MAP2: variants seen among roughly 807,000 people sequenced by gnomAD.
MAP2 encodes the protein microtubule associated protein 2.
In MAP2, 14 loss-of-function variants were observed where a neutral mutation model predicts 137.6. The ratio of observed to expected loss-of-function variants is 0.10; its 90% confidence interval spans 0.07 to 0.16. The LOEUF (loss-of-function observed/expected upper bound fraction) is 0.16. Among genes scored for constraint, MAP2 ranks in the 10% least tolerant of loss-of-function variants. The pLI, the probability that MAP2 is intolerant of heterozygous loss-of-function variation, is 1.00. For synonymous variants in MAP2, 786 were observed against 782.3 expected, an observed-to-expected ratio of 1.00 and a Z score of -0.08; for missense variants, 2,088 against 2,191.5, an observed-to-expected ratio of 0.95 and a Z score of 0.94.
intron 5 of MAP2, among the ~76,000 whole-genome samples, chr2:209,660,637 C>T (rs1582639344): frequency 1.3e-5 from 2 of 148,598 alleles, no homozygotes; most frequent in Admixed American, 1.3e-4. Context: ...CCTCGTGATC[C>T]GCCTGCCTCT....
intron 2 of MAP2, among the ~76,000 whole-genome samples, chr2:209,550,142 C>T (rs904702687): frequency 2.0e-5 from 3 of 152,120 alleles, no homozygotes; most frequent in Admixed American, 2.0e-4. Context: ...TTGCATTTTA[C>T]ATTAGAAACA....
rs201766903 is a variant in MAP2, at chr2:209,540,160, CTG to C, written c.-172+32521_-172+32522del. The stretch of plus-strand genomic sequence containing the variant: ...TACAATAGTGGATTTGGCCCAGAAT[CTG>C]TTATTGTGAGCTTGAATTTAGATAA... On this transcript the variant is annotated intron_variant, in intron 2 of 15. Coordinates refer to ENST00000682079, the MANE Select transcript of MAP2 (RefSeq NM_001375505.1). Among the ~76,000 whole-genome samples the C allele has an allele frequency of 8.7e-3, 1,247 of 142,604 alleles. 18 individuals are homozygous for C. Among genetic ancestry groups the C allele is most frequent in the African/African-American group, 0.03 (1,164 of 38,806 alleles). 93.6% of individuals were successfully genotyped at this position (142,604 alleles called of 152,430 possible).
At chr2:209,469,313 C>G (rs1705033054) in intron 1 of MAP2, among the ~76,000 whole-genome samples, 1 of 152,174 alleles carries the variant, frequency 6.6e-6, no homozygotes, top group Non-Finnish European at 1.5e-5. Flanking sequence ...GTTCCATTGT[C>G]TTCCATAAGA....
chr2:209,643,714 T>A (rs1344029310), intron 4 of MAP2, among the ~76,000 whole-genome samples: 1 of 152,096 alleles, frequency 6.6e-6, no homozygotes, highest in Non-Finnish European at 1.5e-5. Context: ...CCATGGACAA[T>A]TGGTAATTTT....
intron 13 of MAP2, among the ~76,000 whole-genome samples, chr2:209,713,962 C>T (rs567601456): frequency 4.5e-4 from 68 of 151,744 alleles, no homozygotes; most frequent in African/African-American, 6.8e-4. Context: ...GCCAAGGCAG[C>T]GGGTGGATCA....
intron 2 of MAP2, among the ~76,000 whole-genome samples, chr2:209,553,201 T>C (rs2069637611): frequency 1.3e-5 from 2 of 151,982 alleles, no homozygotes; most frequent in Admixed American, 6.6e-5. Flanking sequence ...TTAGTAGAGA[T>C]GGGGTTTCAC....
chr2:209,660,487 G>A (rs1197298454), intron 5 of MAP2, among the ~76,000 whole-genome samples: 3 of 144,624 alleles, frequency 2.1e-5, no homozygotes, highest in African/African-American at 7.7e-5. Context: ...TCCGCCTCCC[G>A]GGTTCACGCC....
intron 1 of MAP2, among the ~76,000 whole-genome samples, chr2:209,473,210 A>G (rs529864680): frequency 3.3e-5 from 5 of 152,268 alleles, no homozygotes; most frequent in South Asian, 4.1e-4. Flanking sequence ...TTGTTCATCC[A>G]TAAATCCCAC....
At chr2:209,442,149 A>T (rs781499432) in intron 1 of MAP2, among the ~76,000 whole-genome samples, 12 of 151,656 alleles carry the variant, frequency 7.9e-5, no homozygotes, top group Non-Finnish European at 1.5e-4. Flanking sequence ...CCAGGGCTAC[A>T]TACATAGAGT....
At chr2:209,445,839 A>G (rs1559171223) in intron 1 of MAP2, among the ~76,000 whole-genome samples, 1 of 151,754 alleles carries the variant, frequency 6.6e-6, no homozygotes, top group Non-Finnish European at 1.5e-5. Flanking sequence ...AAGAAAATAT[A>G]GCAGCTCTTT....
At chr2:209,582,696 T>TTTA in intron 3 of MAP2, among the ~76,000 whole-genome samples, 1 of 150,576 alleles carries the variant, frequency 6.6e-6, no homozygotes, top group South Asian at 2.1e-4. Flanking sequence ...GATAGATAGA[T>TTTA]AGATAGAATA....
At chr2:209,441,995 T>G (rs1186638707) in intron 1 of MAP2, among the ~76,000 whole-genome samples, 1 of 151,578 alleles carries the variant, frequency 6.6e-6, no homozygotes, top group African/African-American at 2.4e-5. Context: ...AGAAAGATTA[T>G]ACATGTTTCC....
Position 209,693,519 on chromosome 2 carries a change from T to A in MAP2, c.1349T>A (p.Ile450Asn). ...CTGAAGCTTGAAGAAAAAACCACCA[T>A]TTCTGACAAAGAAGCTGTGCCAAAA... ...TELKLEEKTT[I>N]SDKEAVPKES... The change falls in exon 8 of 16, where the codon ATT becomes AAT. Residue 450 changes from isoleucine to asparagine, a missense_variant. Around this residue, in one of 6 missense-constraint regions of MAP2, gnomAD observed 859 missense variants for 794.5 expected, o/e 1.08. Coordinates refer to ENST00000682079, the MANE Select transcript of MAP2 (RefSeq NM_001375505.1). 6.2e-7 allele frequency: 1 copy of A among 1,610,078 alleles called. No individual in the cohort carries two copies. The highest frequency in any genetic ancestry group is 8.5e-7 in the Non-Finnish European group (1 of 1,179,124).
At chr2:209,507,187 T>C (rs2061179282) in intron 1 of MAP2, among the ~76,000 whole-genome samples, 1 of 152,110 alleles carries the variant, frequency 6.6e-6, no homozygotes. Context: ...ACACTAGCAT[T>C]CAGTCTATGG....
At chr2:209,435,600 A>T (rs944538131) in intron 1 of MAP2, among the ~76,000 whole-genome samples, 1 of 151,722 alleles carries the variant, frequency 6.6e-6, no homozygotes, top group Non-Finnish European at 1.5e-5. Flanking sequence ...TCAGTGAAGG[A>T]TTTTTGACCT....
intron 11 of MAP2, among the ~76,000 whole-genome samples, chr2:209,700,941 G>A (rs556863753): frequency 2.6e-5 from 4 of 152,032 alleles, no homozygotes; most frequent in East Asian, 1.9e-4. Context: ...TAATGACTAC[G>A]TAATACTGCA....
At chr2:209,561,234 A>C (rs757871458) in intron 2 of MAP2, among the ~76,000 whole-genome samples, 5 of 152,230 alleles carry the variant, frequency 3.3e-5, no homozygotes, top group Non-Finnish European at 7.3e-5. Context: ...GTTTTGTGTC[A>C]AATTCAGGTG....
rs1559685723 is a variant in MAP2 at position 209,729,944 on chromosome 2, T to A, written c.5250T>A (p.Pro1750=). 6.2e-7 allele frequency: 1 copy of A among 1,609,380 alleles called. No individual in the cohort carries two copies. The highest frequency in any genetic ancestry group is 8.5e-7 in the Non-Finnish European group (1 of 1,176,322). ...CTCTTGATAATGCTCATCATGTACC[T>A]GGAGGTGGTAATGTCAAGGTAAGAA... ...VGSLDNAHHV[P]GGGNVKIDSQ... is the part of the protein sequence containing the mutation. The change falls in exon 15 of 16, where the codon CCT becomes CCA. Residue 1750 remains proline (P), a synonymous_variant. Coordinates refer to ENST00000682079, the MANE Select transcript of MAP2 (RefSeq NM_001375505.1).
At chr2:209,468,914 A>T (rs1281317688) in intron 1 of MAP2, among the ~76,000 whole-genome samples, 1 of 152,148 alleles carries the variant, frequency 6.6e-6, no homozygotes, top group African/African-American at 2.4e-5. Context: ...GGGGCCACCA[A>T]CATGTGGGAA....
Sources: gnomAD v4.1 joint callset for allele counts (sites outside exome capture counted in the v4.1 genomes callset) on GRCh38, gnomAD v4.1.1 for gene constraint, gnomAD v4.1.1 regional missense constraint, MANE v1.5 for transcripts, NCBI Gene and HGNC (gene_info 2026-07-23, HGNC 2026-07-21) for gene names.